PARP4: variants seen among roughly 807,000 people sequenced by gnomAD.
PARP4 encodes poly(ADP-ribose) polymerase family member 4.
Under a neutral mutation model 187.7 loss-of-function variants are expected in PARP4, and 120 were observed. The observed-to-expected ratio is 0.64, with a 90% CI of 0.55 to 0.74. PARP4 has a LOEUF of 0.74. PARP4 is among the 30% of genes least tolerant of loss of function. PARP4 has a pLI of 0.00. For synonymous variants in PARP4, 654 were observed against 740.9 expected (o/e 0.88, Z 1.90); for missense variants, 1,836 against 2,070.5 (o/e 0.89, Z 2.20).
chr13:24,480,036 C>G (rs1275440486), intron 12 of PARP4, among the ~76,000 whole-genome samples: 2 of 151,772 alleles, frequency 1.3e-5, no homozygotes, highest in Non-Finnish European at 2.9e-5. Flanking sequence ...ACCACGAACC[C>G]ACCAGAAGGA....
chr13:24,474,843 C>A (rs775428609), intron 15 of PARP4, among the ~76,000 whole-genome samples: 1 of 152,042 alleles, frequency 6.6e-6, no homozygotes, highest in East Asian at 1.9e-4. Context: ...GAGTCAAGGA[C>A]AGCATGACCT....
intron 15 of PARP4, among the ~76,000 whole-genome samples, chr13:24,471,822 T>G (rs12868731): frequency 0.29 from 44,153 of 152,100 alleles, 7,217 homozygotes; most frequent in South Asian, 0.46. Flanking sequence ...ATAATTTGTT[T>G]TGCACACAAA....
At chr13:24,444,701 A>C (rs145960672) in intron 27 of PARP4, among the ~76,000 whole-genome samples, 33 of 152,314 alleles carry the variant, frequency 2.2e-4, no homozygotes, top group African/African-American at 7.5e-4. Context: ...ACCCCAAAAG[A>C]GACTTCTTTG....
intron 32 of PARP4, among the ~76,000 whole-genome samples, chr13:24,427,727 GTTC>G (rs769935579): frequency 2.8e-4 from 43 of 152,096 alleles, no homozygotes; most frequent in Non-Finnish European, 4.7e-4. Context: ...ATAATATAAT[GTTC>G]TTAATAGAGG....
intron 1 of PARP4, among the ~76,000 whole-genome samples, chr13:24,505,975 T>C (rs1329937672): frequency 6.6e-6 from 1 of 152,216 alleles, no homozygotes; most frequent in Admixed American, 6.5e-5. Flanking sequence ...GGCTCCGCCA[T>C]TTCCCCTTTG....
chr13:24,482,569 G>C (rs150496979), intron 12 of PARP4, among the ~76,000 whole-genome samples: 1 of 152,082 alleles, frequency 6.6e-6, no homozygotes, highest in South Asian at 2.1e-4. Flanking sequence ...ACCTTCCACC[G>C]GCAAAAAGAC....
intron 12 of PARP4, among the ~76,000 whole-genome samples, chr13:24,482,082 G>T (rs1442211537): frequency 6.6e-6 from 1 of 152,198 alleles, no homozygotes; most frequent in East Asian, 1.9e-4. Flanking sequence ...GACTTTGAGG[G>T]GTTCAAACTT....
At chr13:24,499,071 G>C (rs1285906616) in intron 5 of PARP4, among the ~76,000 whole-genome samples, 1 of 152,140 alleles carries the variant, frequency 6.6e-6, no homozygotes, top group African/African-American at 2.4e-5. Flanking sequence ...GGCTAAGGAG[G>C]GAGGATGGCT....
intron 14 of PARP4, among the ~76,000 whole-genome samples, chr13:24,477,451 C>T (rs1246571237): frequency 8.3e-6 from 1 of 120,038 alleles, no homozygotes; most frequent in Admixed American, 8.8e-5. Flanking sequence ...GAGTGAGACC[C>T]TGTCTCAAAA....
chr13:24,496,645 G>A (rs9507357), intron 6 of PARP4, among the ~76,000 whole-genome samples: 55,722 of 151,932 alleles, frequency 0.37, 10,605 homozygotes, highest in Middle Eastern at 0.43. Context: ...GACACTCAGA[G>A]TGGGAACAAA....
At chr13:24,507,157 G>C (rs545236379) in intron 1 of PARP4, among the ~76,000 whole-genome samples, 1 of 152,204 alleles carries the variant, frequency 6.6e-6, no homozygotes, top group Admixed American at 6.5e-5. Context: ...CGCAAGCGCC[G>C]CGCACAGCCC....
chr13:24,472,588 T>C (rs1872771620), intron 15 of PARP4, among the ~76,000 whole-genome samples: 1 of 152,224 alleles, frequency 6.6e-6, no homozygotes. Flanking sequence ...AAGCTGATCA[T>C]GAGGCCAAAT....
chr13:24,470,335 G>A (rs1399601336), intron 15 of PARP4, among the ~76,000 whole-genome samples: 3 of 152,148 alleles, frequency 2.0e-5, no homozygotes, highest in Non-Finnish European at 2.9e-5. Flanking sequence ...TGCCCCTTTC[G>A]TTTTGTGGGC....
chr13:24,477,861 G>A lies in PARP4; in HGVS notation c.1633-4C>T, dbSNP rs746943343. The A allele has an allele frequency of 4.5e-6, 7 of 1,553,384 alleles. No homozygotes were observed. Among genetic ancestry groups the A allele is most frequent in the South Asian group, 1.2e-5 (1 of 82,084 alleles). Reference sequence around the variant, plus strand: ...TATAGACAACAAATTCATCATCCTAGAGCAAACAGAAATCAGTAGGTGATT... The same window carrying A: ...TATAGACAACAAATTCATCATCCTAAAGCAAACAGAAATCAGTAGGTGATT... On this transcript the variant is annotated splice_polypyrimidine_tract_variant and splice_region_variant and intron_variant, in intron 13 of 33. Transcript: ENST00000381989.
At chr13:24,471,582 C>A (rs1232071498) in intron 15 of PARP4, among the ~76,000 whole-genome samples, 2 of 151,834 alleles carry the variant, frequency 1.3e-5, no homozygotes, top group African/African-American at 4.8e-5. Context: ...AATGTATGAG[C>A]CATGCACATA....
chr13:24,505,852 G>A (rs1418166708), intron 1 of PARP4, among the ~76,000 whole-genome samples: 1 of 152,222 alleles, frequency 6.6e-6, no homozygotes, highest in Non-Finnish European at 1.5e-5. Flanking sequence ...TTTGAGGATC[G>A]CGGTTCCGGG....
Position 24,480,304 on chromosome 13 carries a change from CCTT to C in PARP4, c.1449-2031_1449-2029del, listed in dbSNP as rs749404334. 3.4e-4 allele frequency among the ~76,000 whole-genome samples: 52 copies of C among 152,332 alleles called. 1 individual carries two copies. The East Asian group carries it at 9.1e-3, about 27-fold the overall frequency. On this transcript the variant is annotated intron_variant, in intron 12 of 33. Coordinates refer to ENST00000381989, the MANE Select transcript of PARP4 (RefSeq NM_006437.4). ...CCAGTGGTTCCCTCATCTCTCTCCTCCTTCTCTGGCCTCCCTATTCCCTGAGAT... is the reference window on the plus strand; with the variant it reads ...CCAGTGGTTCCCTCATCTCTCTCCTCCTCTGGCCTCCCTATTCCCTGAGAT...
chr13:24,491,228 C>T (rs1300549595), intron 9 of PARP4, among the ~76,000 whole-genome samples: 3 of 151,796 alleles, frequency 2.0e-5, no homozygotes, highest in Non-Finnish European at 2.9e-5. Context: ...TCAAGCGATT[C>T]TCCTGCCTCA....
chr13:24,427,331 T>A (rs1325469181), intron 32 of PARP4, among the ~76,000 whole-genome samples: 1 of 151,754 alleles, frequency 6.6e-6, no homozygotes, highest in Non-Finnish European at 1.5e-5. Context: ...TGTGTTGAAC[T>A]CAATTAACAA....
Sources: gnomAD v4.1 joint callset for allele counts (sites outside exome capture counted in the v4.1 genomes callset) on GRCh38, gnomAD v4.1.1 for gene constraint, MANE v1.5 for transcripts, NCBI Gene and HGNC (gene_info 2026-07-23, HGNC 2026-07-21) for gene names.